GNAQ: variants seen among roughly 807,000 people sequenced by gnomAD.
GNAQ encodes the protein G protein subunit alpha q.
Under a neutral mutation model 43.9 loss-of-function variants are expected in GNAQ, and 8 were observed. That is an observed-to-expected ratio of 0.18 (90% CI 0.11 to 0.33). GNAQ has a LOEUF of 0.33. Ranked by LOEUF, GNAQ falls within the 10% of genes least tolerant of loss-of-function variation. The pLI, the probability that GNAQ is intolerant of heterozygous loss-of-function variation, is 1.00. For synonymous variants in GNAQ, 155 were observed against 170.7 expected (o/e 0.91, Z 0.71); for missense variants, 158 against 450.8 (o/e 0.35, Z 5.88).
At chr9:77,836,602 G>A (rs1001831645) in intron 2 of GNAQ, among the ~76,000 whole-genome samples, 2 of 152,104 alleles carry the variant, frequency 1.3e-5, no homozygotes, top group Non-Finnish European at 2.9e-5. Context: ...ACGGAACTCA[G>A]CAAAGATTCT....
intron 1 of GNAQ, among the ~76,000 whole-genome samples, chr9:77,945,497 A>G (rs1391717345): frequency 6.6e-6 from 1 of 152,186 alleles, no homozygotes; most frequent in East Asian, 1.9e-4. Context: ...GCTTTTCAAT[A>G]AAGTGTTTAT....
intron 1 of GNAQ, among the ~76,000 whole-genome samples, chr9:77,932,390 T>C (rs575161518): frequency 1.3e-5 from 2 of 152,188 alleles, no homozygotes; most frequent in Non-Finnish European, 2.9e-5. Flanking sequence ...TATTGATAGA[T>C]GAATAATAAA....
chr9:77,965,043 A>C (rs1361925193), intron 1 of GNAQ, among the ~76,000 whole-genome samples: 1 of 152,178 alleles, frequency 6.6e-6, no homozygotes, highest in Non-Finnish European at 1.5e-5. Flanking sequence ...TCACAAACCC[A>C]GATCACAGCC....
At chr9:77,730,519 C>T (rs981720893) in intron 5 of GNAQ, among the ~76,000 whole-genome samples, 2 of 152,186 alleles carry the variant, frequency 1.3e-5, no homozygotes, top group African/African-American at 4.8e-5. Flanking sequence ...TCATAAGGCA[C>T]ACTTTTCCAA....
intron 5 of GNAQ, among the ~76,000 whole-genome samples, chr9:77,779,379 T>G (rs1055098926): frequency 4.6e-5 from 7 of 151,844 alleles, no homozygotes; most frequent in Non-Finnish European, 1.0e-4. Context: ...AAAATACAAC[T>G]TATCAAAATT....
chr9:77,977,155 A>G (rs1823312933), intron 1 of GNAQ, among the ~76,000 whole-genome samples: 1 of 152,106 alleles, frequency 6.6e-6, no homozygotes, highest in Non-Finnish European at 1.5e-5. Context: ...CACTGGATAA[A>G]GGCAACTATT....
At position 77,758,109 on chromosome 9, in the gene GNAQ, T is replaced by C. The variant is rs538824592; in HGVS notation, c.736-29442A>G. 9.8e-4 allele frequency among the ~76,000 whole-genome samples: 150 copies of C among 152,364 alleles called. 2 individuals are homozygous for C. The highest frequency in any genetic ancestry group is 3.5e-3 in the African/African-American group (144 of 41,592). ...AAAAAGTTTATCTGGAAACCTCAAG[T>C]ACAAAGGATTGCTTTCTCCAGTGGT... On this transcript the variant is annotated intron_variant, in intron 5 of 6. Coordinates refer to ENST00000286548, the MANE Select transcript of GNAQ (RefSeq NM_002072.5).
At chr9:77,994,015 T>C (rs1299946165) in intron 1 of GNAQ, among the ~76,000 whole-genome samples, 1 of 152,134 alleles carries the variant, frequency 6.6e-6, no homozygotes, top group African/African-American at 2.4e-5. Flanking sequence ...TTTGGGTTTT[T>C]TGTTTGTCTG....
chr9:77,827,468 C>T (rs1377781538), intron 2 of GNAQ, among the ~76,000 whole-genome samples: 1 of 150,670 alleles, frequency 6.6e-6, no homozygotes, highest in Admixed American at 6.6e-5. Context: ...GTGTTCTTAG[C>T]TATATATTTA....
chr9:77,880,996 G>A (rs771496947), intron 2 of GNAQ, among the ~76,000 whole-genome samples: 3 of 152,070 alleles, frequency 2.0e-5, no homozygotes, highest in Non-Finnish European at 4.4e-5. Flanking sequence ...ACCACAGCAC[G>A]TCCCTGCCAG....
chr9:77,808,307 A>G (rs184781834), intron 3 of GNAQ, among the ~76,000 whole-genome samples: 26 of 151,712 alleles, frequency 1.7e-4, no homozygotes, highest in Admixed American at 1.5e-3. Context: ...GGAATAATAA[A>G]GACCACATCT....
intron 2 of GNAQ, among the ~76,000 whole-genome samples, chr9:77,852,988 A>G (rs150332000): frequency 6.6e-5 from 10 of 152,318 alleles, no homozygotes; most frequent in Admixed American, 1.3e-4. Context: ...TAAACCTTCA[A>G]GAACGTCCAG....
intron 5 of GNAQ, among the ~76,000 whole-genome samples, chr9:77,769,859 G>T (rs900369171): frequency 1.3e-5 from 2 of 152,036 alleles, no homozygotes; most frequent in African/African-American, 4.8e-5. Flanking sequence ...GTAGAGACAG[G>T]GTTTCACTGT....
chr9:77,865,673 C>T (rs1014336557), intron 2 of GNAQ, among the ~76,000 whole-genome samples: 21 of 152,180 alleles, frequency 1.4e-4, no homozygotes, highest in African/African-American at 5.1e-4. Context: ...CTCTGCCAGT[C>T]ACAGTCTCTC....
intron 1 of GNAQ, among the ~76,000 whole-genome samples, chr9:77,994,588 A>G (rs183745258): frequency 1.3e-5 from 2 of 152,252 alleles, no homozygotes; most frequent in East Asian, 3.9e-4. Flanking sequence ...CTACTGCTGT[A>G]TTCACTTATG....
chr9:77,962,910 A>C (rs985472613), intron 1 of GNAQ, among the ~76,000 whole-genome samples: 86 of 151,912 alleles, frequency 5.7e-4, no homozygotes, highest in Non-Finnish European at 8.8e-4. Context: ...AAAAAAAAAA[A>C]AAAAACAGTG....
intron 5 of GNAQ, among the ~76,000 whole-genome samples, chr9:77,739,011 A>C (rs1825613005): frequency 6.6e-6 from 1 of 152,130 alleles, no homozygotes; most frequent in African/African-American, 2.4e-5. Context: ...TCATGGTTGA[A>C]ATTTTCTATG....
At position 77,975,534 on chromosome 9, in the gene GNAQ, C is replaced by G. The variant is rs531183962; in HGVS notation, c.137-53189G>C. Among the ~76,000 whole-genome samples, 713 of 141,088 alleles carry G rather than the reference C, an allele frequency of 5.1e-3. 5 individuals are homozygous for G. Among genetic ancestry groups the G allele is most frequent in the Non-Finnish European group, 6.9e-3 (457 of 66,278 alleles). 92.6% of individuals were successfully genotyped at this position (141,088 alleles called of 152,430 possible). A position where few individuals can be genotyped will look rare whatever the true frequency, so the allele number is the denominator to read the frequency against. Reference sequence around the variant, plus strand: ...CTACACTTTTACTGTTATCAGCCCCCCCTTTTTTTTTTTTTTTTTTTTTTG... The same window carrying G: ...CTACACTTTTACTGTTATCAGCCCCGCCTTTTTTTTTTTTTTTTTTTTTTG... On this transcript the variant is annotated intron_variant, in intron 1 of 6. Coordinates refer to ENST00000286548, the MANE Select transcript of GNAQ (RefSeq NM_002072.5).
chr9:77,953,855 A>C (rs575386276), intron 1 of GNAQ, among the ~76,000 whole-genome samples: 1 of 152,328 alleles, frequency 6.6e-6, no homozygotes, highest in East Asian at 1.9e-4. Flanking sequence ...TGACTGACCC[A>C]GCCTTCTGCC....
Sources: gnomAD v4.1 joint callset for allele counts (sites outside exome capture counted in the v4.1 genomes callset) on GRCh38, gnomAD v4.1.1 for gene constraint, MANE v1.5 for transcripts, NCBI Gene and HGNC (gene_info 2026-07-23, HGNC 2026-07-21) for gene names.